The following TMEM82 variants were observed in gnomAD, a reference collection of about 807,000 sequenced individuals.
TMEM82 encodes the protein transmembrane protein 82.
Under a neutral mutation model 29.2 loss-of-function variants are expected in TMEM82, and 30 were observed. The observed-to-expected ratio is 1.03, with a 90% CI of 0.77 to 1.39. TMEM82 has a LOEUF of 1.39. Among genes scored for constraint, TMEM82 ranks in the 40% most tolerant of loss-of-function variants. The pLI is 0.00. For synonymous variants in TMEM82, 221 were observed against 225.4 expected (o/e 0.98, Z 0.18); for missense variants, 442 against 447.7 (o/e 0.99, Z 0.12).
chr1:15,742,622 T>TA lies in TMEM82; in HGVS notation c.64dup (p.Ser22LysfsTer4). On this transcript the variant is annotated frameshift_variant, in exon 1 of 6. Transcript: ENST00000375782. LOFTEE classifies it high-confidence loss of function. The stretch of plus-strand genomic sequence containing the variant: ...GCCTCCCCTCCCTCGAGTGGGGCTC[T>TA]AGCCTCCTTGACTCCCTCCTGCAAG... The TA allele has an allele frequency of 3.1e-6, 5 of 1,609,712 alleles. No homozygotes were observed.
Position 15,744,543 on chromosome 1 carries a change from C to G in TMEM82, c.720C>G (p.Leu240=), listed in dbSNP as rs746432293. ...AGGCCATGCGGTTCTGGACACCGCT[C>G]ACCATCTGCTACACGCTGCTGGTCA... The part of the protein sequence containing the change: ...TSEAMRFWTP[L]TICYTLLVIY... The change falls in exon 4 of 6, where the codon CTC becomes CTG. Residue 240 remains leucine, a synonymous_variant. Coordinates refer to ENST00000375782, the MANE Select transcript of TMEM82 (RefSeq NM_001013641.3). The surrounding 1 kb of genome is among the most constrained non-coding windows in gnomAD (Gnocchi z 5.2). The G allele has an allele frequency of 6.2e-7, 1 of 1,612,116 alleles. No individual in the cohort carries two copies. The highest frequency in any genetic ancestry group is 2.2e-5 in the East Asian group (1 of 44,862).
rs1324906131 is a variant in TMEM82 at position 15,744,629 on chromosome 1, C to A, written c.757+49C>A. On this transcript the variant is annotated intron_variant, in intron 4 of 5. Coordinates refer to ENST00000375782, the MANE Select transcript of TMEM82 (RefSeq NM_001013641.3). The surrounding 1 kb of genome is among the most constrained non-coding windows in gnomAD (Gnocchi z 5.2). Reference sequence around the variant, plus strand: ...ATTCAATCCACGCACATCCCTCTGTCTGGGTCAGGCTCCGGGGAGGCCGAG... The same window carrying A: ...ATTCAATCCACGCACATCCCTCTGTATGGGTCAGGCTCCGGGGAGGCCGAG... 6 of 1,525,468 alleles carry A rather than the reference C, an allele frequency of 3.9e-6. No individual in the cohort carries two copies. The highest frequency in any genetic ancestry group is 3.9e-5 in the South Asian group (3 of 77,826). The allele number at this position is 1,525,468 out of a possible 1,614,324, so 94.5% of individuals were successfully genotyped here. A position where few individuals can be genotyped will look rare whatever the true frequency, so the allele number is the denominator to read the frequency against.
At chr1:15,745,021 C>G (rs2068324437) in intron 4 of TMEM82, among the ~76,000 whole-genome samples, 1 of 152,126 alleles carries the variant, frequency 6.6e-6, no homozygotes, top group African/African-American at 2.4e-5. Context: ...GGCTGCTGTC[C>G]AAGTTTGTTT....
In TMEM82 at chr1:15,743,199, G is replaced by A; in HGVS notation, c.336+5G>A. On this transcript the variant is annotated splice_donor_5th_base_variant and intron_variant, in intron 3 of 5. Coordinates refer to ENST00000375782, the MANE Select transcript of TMEM82 (RefSeq NM_001013641.3). The stretch of plus-strand genomic sequence containing the variant: ...ACGCTGCTGTCCCTGGGCAAGGTGA[G>A]GCCTCCGGGAAGGCAGTGGGTGGAT... 5 of 1,604,710 alleles carry A rather than the reference G, an allele frequency of 3.1e-6. No individual in the cohort carries two copies. The highest frequency in any genetic ancestry group is 4.2e-6 in the Non-Finnish European group (5 of 1,179,272).
Position 15,744,572 on chromosome 1 carries a change from A to G in TMEM82, c.749A>G (p.Tyr250Cys), listed in dbSNP as rs2068320519. The change falls in exon 4 of 6, where the codon TAC (tyrosine) becomes TGC (cysteine). Residue 250 changes from tyrosine to cysteine, a missense_variant. By Grantham distance (194) the Tyr-to-Cys change is radical (BLOSUM62 -2). Coordinates refer to ENST00000375782, the MANE Select transcript of TMEM82 (RefSeq NM_001013641.3). The surrounding 1 kb of genome is among the most constrained non-coding windows in gnomAD (Gnocchi z 5.2). ...LTICYTLLVI[Y>C]MQEEQRQHPG... ...ATCTGCTACACGCTGCTGGTCATCT[A>G]CATGCAGGGTGAGCGCTGCGGGGCC... The G allele has an allele frequency of 6.2e-7, 1 of 1,607,922 alleles. No individual in the cohort carries two copies. Among genetic ancestry groups the G allele is most frequent in the South Asian group, 1.1e-5 (1 of 90,404 alleles).
chr1:15,744,507 G>GA lies in TMEM82; in HGVS notation c.685dup (p.Thr229AsnfsTer82). 6.2e-7 allele frequency: 1 copy of GA among 1,612,514 alleles called. No individual in the cohort carries two copies. Among genetic ancestry groups the GA allele is most frequent in the African/African-American group, 1.3e-5 (1 of 75,064 alleles). On this transcript the variant is annotated frameshift_variant, in exon 4 of 6. Coordinates refer to ENST00000375782, the MANE Select transcript of TMEM82 (RefSeq NM_001013641.3). LOFTEE classifies it high-confidence loss of function. This position sits in a 1 kb window ranked among gnomAD's most constrained non-coding sequence, Gnocchi z 5.2. ...TGGCCCTCATCAACCAGGACTTCCTGACCACCTCGGAGGCCATGCGGTTCT... is the reference window on the plus strand; with the variant it reads ...TGGCCCTCATCAACCAGGACTTCCTGAACCACCTCGGAGGCCATGCGGTTCT...
In TMEM82 at chr1:15,743,390, T is replaced by A. The variant is rs190430911; in HGVS notation, c.336+196T>A. On this transcript the variant is annotated intron_variant, in intron 3 of 5. Transcript: ENST00000375782. ...GCGGCCACACTCACAGTGGACACAG[T>A]CCCAGTCCCAAGAAGACAAGAGCGA... Among the ~76,000 whole-genome samples the A allele has an allele frequency of 5.3e-5, 8 of 152,332 alleles. No homozygotes were observed. In the East Asian group the frequency reaches 1.5e-3, roughly 29 times the overall value.
rs2068314473 is a variant in TMEM82 at position 15,744,128 on chromosome 1, A to G, written c.337-32A>G. 1 of 1,465,362 alleles carries G rather than the reference A, an allele frequency of 6.8e-7. No homozygotes were observed. Among genetic ancestry groups the G allele is most frequent in the Admixed American group, 2.3e-5 (1 of 42,792 alleles). 90.8% of individuals were successfully genotyped at this position (1,465,362 alleles called of 1,614,324 possible). ...CAGCACCTGTGGTGAGGCAGCCCCC[A>G]CATCTCGGCCCCTCTTCGGCACTCC... On this transcript the variant is annotated intron_variant, in intron 3 of 5. Coordinates refer to ENST00000375782, the MANE Select transcript of TMEM82 (RefSeq NM_001013641.3). This position sits in a 1 kb window ranked among gnomAD's most constrained non-coding sequence, Gnocchi z 5.2.
Position 15,742,853 on chromosome 1 carries a change from G to A in TMEM82, c.107G>A (p.Gly36Glu), listed in dbSNP as rs1400435899. ...SLLQGLIGAL[G>E]VLVLNSLLKV... ...CCCTCAGGCCTGATCGGGGCCCTTG[G>A]AGTCTTGGTCCTGAACAGCCTCCTG... The change falls in exon 2 of 6, where the codon GGA becomes GAA. Residue 36 changes from glycine to glutamate, a missense_variant. By Grantham distance (98) the Gly-to-Glu change is moderately conservative. Transcript: ENST00000375782. 3 of 1,612,754 alleles carry A rather than the reference G, an allele frequency of 1.9e-6. No homozygotes were observed. The highest frequency in any genetic ancestry group is 2.5e-6 in the Non-Finnish European group (3 of 1,179,922).
chr1:15,744,579 G>T lies in TMEM82; in HGVS notation c.756G>T (p.Gln252His). 6.2e-7 allele frequency: 1 copy of T among 1,605,188 alleles called. No individual in the cohort carries two copies. The change falls in exon 4 of 6, where the codon CAG becomes CAT. Residue 252 changes from glutamine to histidine, a missense_variant and splice_region_variant. Physicochemically the swap from Gln to His is conservative, Grantham distance 24 (BLOSUM62 0). Coordinates refer to ENST00000375782, the MANE Select transcript of TMEM82 (RefSeq NM_001013641.3). The surrounding 1 kb of genome is among the most constrained non-coding windows in gnomAD (Gnocchi z 5.2). ...ACACGCTGCTGGTCATCTACATGCAGGGTGAGCGCTGCGGGGCCTGCTCCA... is the reference window on the plus strand; with the variant it reads ...ACACGCTGCTGGTCATCTACATGCATGGTGAGCGCTGCGGGGCCTGCTCCA... ...ICYTLLVIYMQEEQRQHPGLQ... is the reference protein window; with the variant it reads ...ICYTLLVIYMHEEQRQHPGLQ...
At chr1:15,742,757 C>T in intron 1 of TMEM82, 78 bp from the exon 2 acceptor site, 1 of 1,532,986 alleles carries the variant, frequency 6.5e-7, no homozygotes, top group Non-Finnish European at 8.9e-7. Context: ...CTTGGCCGCC[C>T]CCTCTGACCC....
rs1290661223 is a variant in TMEM82, at chr1:15,744,476, C to T, written c.653C>T (p.Ala218Val). The T allele has an allele frequency of 6.2e-7, 1 of 1,610,702 alleles. No individual in the cohort carries two copies. Residue 218 changes from alanine (A) to valine (V), a missense_variant, in exon 4 of 6, where the codon GCA becomes GTA. Coordinates refer to ENST00000375782, the MANE Select transcript of TMEM82 (RefSeq NM_001013641.3). This position sits in a 1 kb window ranked among gnomAD's most constrained non-coding sequence, Gnocchi z 5.2. ...ATAGCCTTTGCCGTGGGTGACCTGGCAGCTGTGGCCCTCATCAACCAGGAC... is the reference window on the plus strand; with the variant it reads ...ATAGCCTTTGCCGTGGGTGACCTGGTAGCTGTGGCCCTCATCAACCAGGAC... The part of the protein sequence containing the change: ...LAIAFAVGDL[A>V]AVALINQDFL...
In TMEM82 at chr1:15,744,022, C is replaced by T. The variant is rs2068313722; in HGVS notation, c.337-138C>T. 7 of 759,884 alleles carry T rather than the reference C, an allele frequency of 9.2e-6. No homozygotes were observed. Among genetic ancestry groups the T allele is most frequent in the African/African-American group, 3.6e-5 (2 of 56,284 alleles). 47.1% of individuals were successfully genotyped at this position (759,884 alleles called of 1,614,324 possible). ...AAATTAAGGTGAGAGAGATGATCCC[C>T]TAGGGCTTCATCTGAAGCCGATGTG... On this transcript the variant is annotated intron_variant, in intron 3 of 5. Transcript: ENST00000375782. This position sits in a 1 kb window ranked among gnomAD's most constrained non-coding sequence, Gnocchi z 5.2.
intron 4 of TMEM82, among the ~76,000 whole-genome samples, chr1:15,745,850 T>G (rs1299928530): frequency 6.8e-6 from 1 of 146,384 alleles, no homozygotes; most frequent in African/African-American, 2.6e-5. Flanking sequence ...ATCGCACCAT[T>G]GCACTCCAAT....
At position 15,742,501 on chromosome 1, in the gene TMEM82, G is replaced by T; in HGVS notation, c.-59G>T. The T allele has an allele frequency of 7.6e-7, 1 of 1,317,312 alleles. No individual in the cohort carries two copies. The highest frequency in any genetic ancestry group is 1.5e-5 in the South Asian group (1 of 67,496). 81.6% of individuals were successfully genotyped at this position (1,317,312 alleles called of 1,614,324 possible). A position where few individuals can be genotyped will look rare whatever the true frequency, so the allele number is the denominator to read the frequency against. On this transcript the variant is annotated 5_prime_UTR_variant, in exon 1 of 6. Transcript: ENST00000375782. ...CCCTCCACCGACACCTTTGCCCAGT[G>T]ACGTTGGTCTGTCCTTACGCAGACC...
rs759727336 is a variant in TMEM82 at position 15,747,628 on chromosome 1, C to T, written c.1028C>T (p.Ser343Phe). The part of the protein sequence containing the change: ...SAPQSQSSAP[S>F] ...CCCCAGTCCCAGAGTTCGGCCCCCTCTTGACCTGCCTCAGGGAGGATCTGG... is the reference window on the plus strand; with the variant it reads ...CCCCAGTCCCAGAGTTCGGCCCCCTTTTGACCTGCCTCAGGGAGGATCTGG... Residue 343 changes from serine (S) to phenylalanine (F), a missense_variant, in exon 6 of 6, where the codon TCT (serine) becomes TTT (phenylalanine). Physicochemically the swap from Ser to Phe is radical, Grantham distance 155. Transcript: ENST00000375782. 1 of 1,613,902 alleles carries T rather than the reference C, an allele frequency of 6.2e-7. No homozygotes were observed. Among genetic ancestry groups the T allele is most frequent in the African/African-American group, 1.3e-5 (1 of 75,066 alleles).
rs1381881101 is a variant in TMEM82 at position 15,742,640 on chromosome 1, C to A, written c.81C>A (p.Leu27=). 5 of 1,609,726 alleles carry A rather than the reference C, an allele frequency of 3.1e-6. No homozygotes were observed. The highest frequency in any genetic ancestry group is 4.2e-6 in the Non-Finnish European group (5 of 1,179,390). ...LEWGSSLLDS[L]LQGLIGALGV... is the part of the protein sequence containing the mutation. Reference sequence around the variant, plus strand: ...GGGGCTCTAGCCTCCTTGACTCCCTCCTGCAAGGTGAGCACCTCGCCCCAT... The same window carrying A: ...GGGGCTCTAGCCTCCTTGACTCCCTACTGCAAGGTGAGCACCTCGCCCCAT... Residue 27 remains leucine, a synonymous_variant, in exon 1 of 6, where the codon CTC becomes CTA. Transcript: ENST00000375782.
chr1:15,747,133 T>G, intron 5 of TMEM82, 79 bp downstream of exon 5: 4 of 1,476,244 alleles, frequency 2.7e-6, no homozygotes, highest in Non-Finnish European at 3.7e-6. Flanking sequence ...AGGCTCAAGT[T>G]TAAGAAGAGC....
intron 5 of TMEM82, among the ~76,000 whole-genome samples, 167 bp downstream of exon 5, chr1:15,747,221 G>A (rs2068343210): frequency 6.6e-6 from 1 of 151,930 alleles, no homozygotes; most frequent in South Asian, 2.1e-4. Context: ...GAACCCAGGA[G>A]GTAGAGGTTG....
Sources: gnomAD v4.1 joint callset for allele counts (sites outside exome capture counted in the v4.1 genomes callset) on GRCh38, gnomAD v4.1.1 for gene constraint, Gnocchi (gnomAD v3.1) non-coding constraint, MANE v1.5 for transcripts, NCBI Gene and HGNC (gene_info 2026-07-23, HGNC 2026-07-21) for gene names.